Variants in DYNC2LI1 observed in about 807,000 individuals in gnomAD.
DYNC2LI1 encodes dynein cytoplasmic 2 light intermediate chain 1, also known as cytoplasmic dynein 2 light intermediate chain 1.
In DYNC2LI1, 45 loss-of-function variants were observed where a neutral mutation model predicts 51.9. That is an observed-to-expected ratio of 0.87 (90% CI 0.68 to 1.11). DYNC2LI1 has a LOEUF of 1.11. Ranked by LOEUF, DYNC2LI1 falls within the 50% of genes most tolerant of loss-of-function variation. The pLI, the probability that DYNC2LI1 is intolerant of heterozygous loss-of-function variation, is 0.00. For missense variants in DYNC2LI1, 490 were observed against 417.4 expected (o/e 1.17, Z -1.51); for synonymous variants, 130 against 137.8 (o/e 0.94, Z 0.40).
intron 2 of DYNC2LI1, among the ~76,000 whole-genome samples, chr2:43,778,962 A>C (rs2104660449): frequency 6.6e-6 from 1 of 152,332 alleles, no homozygotes; most frequent in Middle Eastern, 3.4e-3. Flanking sequence ...TTCTTTAAAA[A>C]GTCTGTGATT....
intron 4 of DYNC2LI1, among the ~76,000 whole-genome samples, chr2:43,787,821 G>T (rs1350689014): frequency 6.6e-6 from 1 of 152,156 alleles, no homozygotes; most frequent in East Asian, 1.9e-4. Context: ...CACCTGAAAA[G>T]AGATCATTTC....
the DYNC2LI1 span, chr2:43,822,479 C>CTG: frequency 3.0e-6 from 2 of 668,664 alleles, no homozygotes; most frequent in African/African-American, 4.6e-5. Flanking sequence ...CTCCCCCAGG[C>CTG]CCCCCCCCAT....
the DYNC2LI1 span, chr2:43,822,862 G>A: frequency 3.2e-5 from 51 of 1,614,044 alleles, no homozygotes; most frequent in Non-Finnish European, 4.2e-5. Flanking sequence ...GCAGTGCATA[G>A]GCCAGCATCA....
At chr2:43,778,222 G>A (rs1295859433) in intron 2 of DYNC2LI1, among the ~76,000 whole-genome samples, 1 of 152,120 alleles carries the variant, frequency 6.6e-6, no homozygotes, top group African/African-American at 2.4e-5. Flanking sequence ...AGAGTGCAGT[G>A]GTGCGATCTC....
the DYNC2LI1 span, chr2:43,826,586 A>T: frequency 6.2e-7 from 1 of 1,610,132 alleles, no homozygotes; most frequent in Admixed American, 1.7e-5. Context: ...CTTAAAACTC[A>T]GAGTTCTGAA....
chr2:43,789,871 A>G (rs542854177), intron 5 of DYNC2LI1, 150 bp downstream of exon 5: 1 of 583,128 alleles, frequency 1.7e-6, no homozygotes, highest in Non-Finnish European at 2.8e-6. Flanking sequence ...CTAACCTGTA[A>G]TGCTTTCAAA....
intron 1 of DYNC2LI1, chr2:43,775,656 C>T (rs554380799): frequency 8.1e-6 from 3 of 369,360 alleles, no homozygotes; most frequent in African/African-American, 6.8e-5. Context: ...TGTCACCACA[C>T]CCAGCTAATT....
At chr2:43,822,767 C>G in the DYNC2LI1 span, 2 of 1,613,922 alleles carry the variant, frequency 1.2e-6, no homozygotes. Flanking sequence ...CATGGGAGCC[C>G]GGCCCTGGGT....
At chr2:43,822,488 AT>A in the DYNC2LI1 span, 316 of 348,788 alleles carry the variant, frequency 9.1e-4, no homozygotes, top group Middle Eastern at 1.7e-3. Flanking sequence ...GCCCCCCCCC[AT>A]GCACCTGGGT....
At chr2:43,822,696 C>G in the DYNC2LI1 span, 1 of 1,490,630 alleles carries the variant, frequency 6.7e-7, no homozygotes, top group South Asian at 1.4e-5. Context: ...TGTAGATCCT[C>G]CAGAGCAGAG....
chr2:43,794,339 C>T (rs747483302), intron 5 of DYNC2LI1, 118 bp from the exon 6 acceptor site: 298 of 1,110,968 alleles, frequency 2.7e-4, no homozygotes, highest in Non-Finnish European at 3.4e-4. Flanking sequence ...AATAATGCTA[C>T]GGTTTTTTTT....
At chr2:43,819,715 G>T in the DYNC2LI1 span, among the ~76,000 whole-genome samples, 42 of 152,112 alleles carry the variant, frequency 2.8e-4, no homozygotes, top group South Asian at 2.3e-3. Flanking sequence ...CCTGATTCCC[G>T]ATAAAAAAGA....
At chr2:43,805,337 TTTAC>T in intron 12 of DYNC2LI1, 91 bp downstream of exon 12, 1 of 725,892 alleles carries the variant, frequency 1.4e-6, no homozygotes, top group Non-Finnish European at 2.4e-6. Context: ...TCTCTATGTA[TTTAC>T]TTAGAGTATC....
chr2:43,801,517 C>A, intron 9 of DYNC2LI1, 122 bp from the exon 10 acceptor site: 1 of 601,954 alleles, frequency 1.7e-6, no homozygotes. Flanking sequence ...TCATTCGGGG[C>A]AATGCTCTCA....
chr2:43,792,548 A>C, intron 5 of DYNC2LI1: 1 of 917,230 alleles, frequency 1.1e-6, no homozygotes, highest in Non-Finnish European at 1.5e-6. Flanking sequence ...AATTTTAGTC[A>C]TTTTTAACTG....
intron 5 of DYNC2LI1, chr2:43,793,467 C>T (rs1279635221): frequency 6.6e-6 from 1 of 152,240 alleles, no homozygotes; most frequent in Non-Finnish European, 1.5e-5. Flanking sequence ...GAGACTCCTC[C>T]TCCAAAAACA....
intron 5 of DYNC2LI1, 181 bp from the exon 6 acceptor site, chr2:43,794,276 G>A (rs1373224503): frequency 1.7e-6 from 1 of 573,926 alleles, no homozygotes; most frequent in Non-Finnish European, 3.0e-6. Flanking sequence ...CTAGAGGAAA[G>A]TATTGGAATA....
the DYNC2LI1 span, chr2:43,820,053 G>C: frequency 1.2e-6 from 2 of 1,614,058 alleles, no homozygotes; most frequent in Non-Finnish European, 1.7e-6. Flanking sequence ...CAAGAGAGCA[G>C]CAGAAAAATA....
intron 5 of DYNC2LI1, among the ~76,000 whole-genome samples, 180 bp downstream of exon 5, chr2:43,789,901 G>A (rs1358870509): frequency 1.3e-5 from 2 of 152,128 alleles, no homozygotes; most frequent in Non-Finnish European, 2.9e-5. Flanking sequence ...AAAGAACCAA[G>A]ATTTTGGCCC....
Sources: allele counts gnomAD v4.1 joint callset (sites outside exome capture counted in the v4.1 genomes callset), GRCh38; gene constraint gnomAD v4.1.1; transcripts MANE v1.5; gene names NCBI Gene and HGNC (gene_info 2026-07-23, HGNC 2026-07-21).